CDC14A: variants seen among roughly 807,000 people sequenced by gnomAD.
The protein encoded by CDC14A is dual specificity protein phosphatase CDC14A.
A neutral mutation model predicts 74.4 loss-of-function variants in CDC14A; 53 were observed. That is an observed-to-expected ratio of 0.71 (90% CI 0.57 to 0.89). CDC14A has a LOEUF of 0.89. CDC14A is among the 40% of genes least tolerant of loss of function. CDC14A has a pLI of 0.00. For missense variants in CDC14A, 646 were observed against 713.7 expected, an observed-to-expected ratio of 0.91 and a Z score of 1.08; for synonymous variants, 247 against 258.4, an observed-to-expected ratio of 0.96 and a Z score of 0.43.
At chr1:100,475,870 T>C (rs1668840876) in intron 10 of CDC14A, among the ~76,000 whole-genome samples, 1 of 151,944 alleles carries the variant, frequency 6.6e-6, no homozygotes, top group African/African-American at 2.4e-5. Flanking sequence ...TAGTGAGGAG[T>C]GGGGCCGAAA....
At chr1:100,439,128 A>G (rs1230539833) in intron 5 of CDC14A, among the ~76,000 whole-genome samples, 1 of 152,222 alleles carries the variant, frequency 6.6e-6, no homozygotes, top group Non-Finnish European at 1.5e-5. Context: ...AAAAACTTAA[A>G]TAAAGTATGA....
In CDC14A at chr1:100,462,807, C is replaced by T. The variant is rs1245795829; in HGVS notation, c.764C>T (p.Pro255Leu). The T allele has an allele frequency of 1.4e-5, 22 of 1,614,052 alleles. No individual in the cohort carries two copies. Among genetic ancestry groups the T allele is most frequent in the Non-Finnish European group, 1.9e-5 (22 of 1,179,980 alleles). ...CTCTTCTTCATAGATGGCAGCACAC[C>T]CAGTGACAACATCGTGCGAAGGTTC... is the stretch of plus-strand genomic sequence containing the variant. ...YDLFFIDGST[P>L]SDNIVRRFLN... The change falls in exon 9 of 16, where the codon CCC becomes CTC. Residue 255 changes from proline (P) to leucine (L), a missense_variant. By Grantham distance (98) the Pro-to-Leu change is moderately conservative (BLOSUM62 -3). Transcript: ENST00000336454.
At chr1:100,472,479 C>G (rs1242407160) in intron 10 of CDC14A, among the ~76,000 whole-genome samples, 2 of 152,058 alleles carry the variant, frequency 1.3e-5, no homozygotes, top group African/African-American at 4.8e-5. Context: ...ATTCTAGATA[C>G]TAGTCCTTTG....
chr1:100,394,711 A>ATG (rs752977773), intron 4 of CDC14A, among the ~76,000 whole-genome samples: 7 of 152,210 alleles, frequency 4.6e-5, no homozygotes, highest in Non-Finnish European at 1.0e-4. Flanking sequence ...TGAACTGGTC[A>ATG]TGTCCCAATT....
Position 100,499,382 on chromosome 1 carries a change from G to A in CDC14A, c.1755+120G>A, listed in dbSNP as rs966457700. The A allele has an allele frequency of 1.2e-6, 2 of 1,605,262 alleles. No homozygotes were observed. The highest frequency in any genetic ancestry group is 1.7e-5 in the Admixed American group (1 of 59,550). On this transcript the variant is annotated intron_variant, in intron 15 of 15. Transcript: ENST00000336454. ...ATAGTGCCAAGGAAGCCTTCTGAGC[G>A]ATGCCTTCCCTCTGTGCTGTGAAAC...
At chr1:100,394,151 G>T in intron 4 of CDC14A, 1 of 166,616 alleles carries the variant, frequency 6.0e-6, no homozygotes, top group Non-Finnish European at 1.3e-5. Flanking sequence ...GTCTTGCTCT[G>T]CCCCACAGGC....
In CDC14A at chr1:100,431,982, G is replaced by T. The variant is rs189574521; in HGVS notation, c.389+7681G>T. Among the ~76,000 whole-genome samples, 295 of 152,266 alleles carry T rather than the reference G, an allele frequency of 1.9e-3. 1 individual carries two copies. Among genetic ancestry groups the T allele is most frequent in the Admixed American group, 3.2e-3 (49 of 15,294 alleles). On this transcript the variant is annotated intron_variant, in intron 5 of 15. Transcript: ENST00000336454. The stretch of plus-strand genomic sequence containing the variant: ...ACAGATTTTATTCTGCTGATTTCAG[G>T]TGACCTTTTAAGCCATGACTTTAGA...
At chr1:100,504,386 T>G (rs973055058) in intron 15 of CDC14A, among the ~76,000 whole-genome samples, 7 of 152,212 alleles carry the variant, frequency 4.6e-5, no homozygotes, top group African/African-American at 1.7e-4. Context: ...GTTTGAGTCT[T>G]TGATGATCTT....
At chr1:100,377,495 A>G (rs1655437109) in intron 2 of CDC14A, 51 bp from the exon 3 acceptor site, 1 of 1,253,510 alleles carries the variant, frequency 8.0e-7, no homozygotes, top group South Asian at 1.3e-5. Flanking sequence ...GATGTTACTG[A>G]AAATTATACT....
At chr1:100,424,397 A>G (rs1175376945) in intron 5 of CDC14A, 96 bp downstream of exon 5, 3 of 836,678 alleles carry the variant, frequency 3.6e-6, no homozygotes, top group South Asian at 2.7e-5. Context: ...TAAGATAATA[A>G]CCATTATGTT....
chr1:100,445,527 G>A (rs1481373536), intron 7 of CDC14A, among the ~76,000 whole-genome samples: 1 of 152,182 alleles, frequency 6.6e-6, no homozygotes, highest in Non-Finnish European at 1.5e-5. Flanking sequence ...TTAAAGGAGA[G>A]ATGGAGGCAG....
At position 100,520,033 on chromosome 1, in the gene CDC14A, T is replaced by C. The variant is rs1040961775; in HGVS notation, c.*1753T>C. On this transcript the variant is annotated 3_prime_UTR_variant, in exon 16 of 16. Transcript: ENST00000336454. Reference sequence around the variant, plus strand: ...TAAATTTCCCATAATTATGTGTGTATATGTGTCATATGTATGTACATGTAT... The same window carrying C: ...TAAATTTCCCATAATTATGTGTGTACATGTGTCATATGTATGTACATGTAT... The C allele has an allele frequency of 1.3e-5, 2 of 152,634 alleles. No homozygotes were observed. The highest frequency in any genetic ancestry group is 2.1e-4 in the South Asian group (1 of 4,826). 9.5% of individuals were successfully genotyped at this position (152,634 alleles called of 1,614,324 possible).
intron 3 of CDC14A, among the ~76,000 whole-genome samples, chr1:100,389,749 T>G (rs774854478): frequency 2.0e-5 from 3 of 152,142 alleles, no homozygotes; most frequent in Non-Finnish European, 2.9e-5. Context: ...ATGTATAAGA[T>G]AGAAAAAGCT....
chr1:100,478,415 A>T (rs1669134892), intron 10 of CDC14A, among the ~76,000 whole-genome samples: 1 of 152,070 alleles, frequency 6.6e-6, no homozygotes, highest in Non-Finnish European at 1.5e-5. Flanking sequence ...TCTATCTGTG[A>T]CAGATAACCT....
At chr1:100,394,710 C>T (rs1410275171) in intron 4 of CDC14A, among the ~76,000 whole-genome samples, 2 of 152,190 alleles carry the variant, frequency 1.3e-5, no homozygotes, top group Non-Finnish European at 2.9e-5. Flanking sequence ...TTGAACTGGT[C>T]ATGTCCCAAT....
intron 11 of CDC14A, among the ~76,000 whole-genome samples, chr1:100,491,286 A>G (rs1475404195): frequency 6.6e-6 from 1 of 151,944 alleles, no homozygotes; most frequent in Non-Finnish European, 1.5e-5. Context: ...CTCTTTTTGT[A>G]AGGAAGAAGT....
At chr1:100,418,925 C>T (rs1431556358) in intron 4 of CDC14A, among the ~76,000 whole-genome samples, 1 of 152,212 alleles carries the variant, frequency 6.6e-6, no homozygotes, top group Non-Finnish European at 1.5e-5. Flanking sequence ...TAGCTCACGC[C>T]TGTAATCCCA....
chr1:100,402,184 T>C (rs1341956207), intron 4 of CDC14A, among the ~76,000 whole-genome samples: 1 of 151,874 alleles, frequency 6.6e-6, no homozygotes, highest in East Asian at 1.9e-4. Context: ...CCTGAAGACA[T>C]TATCCATTAT....
chr1:100,486,621 C>T (rs899810182), intron 11 of CDC14A, among the ~76,000 whole-genome samples: 4 of 152,214 alleles, frequency 2.6e-5, no homozygotes, highest in South Asian at 2.1e-4. Flanking sequence ...GGCAAACAAA[C>T]TCTTAATGCC....
Sources: allele counts gnomAD v4.1 joint callset (sites outside exome capture counted in the v4.1 genomes callset), GRCh38; gene constraint gnomAD v4.1.1; transcripts MANE v1.5; gene names NCBI Gene and HGNC (gene_info 2026-07-23, HGNC 2026-07-21).